Variants in NHSL3 observed in about 807,000 individuals in gnomAD.
NHSL3 encodes NHS-like protein 3.
chr1:32,765,840 G>A, the NHSL3 span: 11 of 1,544,290 alleles, frequency 7.1e-6, no homozygotes, highest in Non-Finnish European at 8.7e-6. Context: ...GAGTGGGTGT[G>A]GCTTGGGGGG....
the NHSL3 span, among the ~76,000 whole-genome samples, chr1:32,769,414 A>G: frequency 6.6e-6 from 1 of 152,338 alleles, no homozygotes; most frequent in Non-Finnish European, 1.5e-5. Flanking sequence ...AATGAATGCC[A>G]AATGTTTAGA....
the NHSL3 span, among the ~76,000 whole-genome samples, chr1:32,755,091 C>T: frequency 6.6e-6 from 1 of 152,174 alleles, no homozygotes; most frequent in Non-Finnish European, 1.5e-5. Flanking sequence ...CCTCCAATCC[C>T]AAGAGATGGG....
chr1:32,774,013 T>A, the NHSL3 span: 1 of 152,718 alleles, frequency 6.5e-6, no homozygotes, highest in South Asian at 2.1e-4. Flanking sequence ...CACCCAGTGC[T>A]TCTAGGGCAG....
chr1:32,755,534 T>A, the NHSL3 span, among the ~76,000 whole-genome samples: 1 of 152,124 alleles, frequency 6.6e-6, no homozygotes, highest in Non-Finnish European at 1.5e-5. Context: ...TTCACTTGTC[T>A]GGACCACTCT....
At chr1:32,744,115 A>G in the NHSL3 span, among the ~76,000 whole-genome samples, 1 of 152,110 alleles carries the variant, frequency 6.6e-6, no homozygotes, top group Non-Finnish European at 1.5e-5. Flanking sequence ...TTCAGAATGG[A>G]GATTGGGAGA....
At chr1:32,752,950 CAT>C in the NHSL3 span, among the ~76,000 whole-genome samples, 68 of 42,736 alleles carry the variant, frequency 1.6e-3, 1 homozygote, top group African/African-American at 8.0e-3. Flanking sequence ...CACACACACA[CAT>C]ATATATATAT....
chr1:32,767,876 T>G, the NHSL3 span: 1 of 1,613,950 alleles, frequency 6.2e-7, no homozygotes, highest in South Asian at 1.1e-5. Context: ...GGACAACGTC[T>G]TCTTTCCCAG....
the NHSL3 span, chr1:32,771,364 C>T: frequency 6.3e-6 from 10 of 1,577,672 alleles, no homozygotes; most frequent in Admixed American, 1.7e-5. Flanking sequence ...AGACCAGTCA[C>T]CCCCACCTTC....
the NHSL3 span, chr1:32,772,348 C>T: frequency 6.2e-7 from 1 of 1,610,406 alleles, no homozygotes; most frequent in African/African-American, 1.3e-5. Flanking sequence ...TGGGCTCCCT[C>T]ACACCCAGGA....
the NHSL3 span, chr1:32,765,609 G>A: frequency 4.0e-6 from 6 of 1,512,850 alleles, no homozygotes; most frequent in Non-Finnish European, 5.3e-6. Context: ...AGGAGGACAT[G>A]GAGAGCAGCC....
chr1:32,751,805 TC>T, the NHSL3 span, among the ~76,000 whole-genome samples: 1 of 152,060 alleles, frequency 6.6e-6, no homozygotes, highest in Non-Finnish European at 1.5e-5. Context: ...TGGTTGTAGC[TC>T]TGAGAAGAAG....
At chr1:32,761,117 T>G in the NHSL3 span, among the ~76,000 whole-genome samples, 1 of 152,278 alleles carries the variant, frequency 6.6e-6, no homozygotes, top group South Asian at 2.1e-4. Flanking sequence ...TGGTATGGGA[T>G]GCTTCCCTCA....
the NHSL3 span, chr1:32,754,044 C>T: frequency 1.6e-6 from 1 of 610,274 alleles, no homozygotes; most frequent in African/African-American, 1.9e-5. Flanking sequence ...GGCGGCCGGG[C>T]TGGCTGGGCC....
chr1:32,751,011 G>C, the NHSL3 span, among the ~76,000 whole-genome samples: 1 of 150,784 alleles, frequency 6.6e-6, no homozygotes, highest in Non-Finnish European at 1.5e-5. Flanking sequence ...GGGTTTCACC[G>C]TGTTGGTCAG....
At chr1:32,751,796 G>C in the NHSL3 span, among the ~76,000 whole-genome samples, 1 of 152,076 alleles carries the variant, frequency 6.6e-6, no homozygotes, top group Admixed American at 6.5e-5. Flanking sequence ...AGTTTTGTGT[G>C]GTTGTAGCTC....
the NHSL3 span, among the ~76,000 whole-genome samples, chr1:32,769,278 G>GA: frequency 1.3e-5 from 2 of 151,998 alleles, no homozygotes; most frequent in Non-Finnish European, 2.9e-5. Context: ...AAAAGAGTTA[G>GA]AAAATCTTAA....
At chr1:32,771,905 A>T in the NHSL3 span, 1 of 1,591,814 alleles carries the variant, frequency 6.3e-7, no homozygotes, top group Admixed American at 1.7e-5. Context: ...TCGGCCCCCC[A>T]GAAACCACTG....
chr1:32,746,471 G>C, the NHSL3 span, among the ~76,000 whole-genome samples: 1 of 152,120 alleles, frequency 6.6e-6, no homozygotes, highest in Non-Finnish European at 1.5e-5. Context: ...TAACAGGAAG[G>C]CTGCTATGTG....
chr1:32,765,849 G>A, the NHSL3 span: 1 of 1,539,212 alleles, frequency 6.5e-7, no homozygotes, highest in Non-Finnish European at 8.7e-7. Flanking sequence ...TGGCTTGGGG[G>A]GAGGGGAGGG....
Sources: gnomAD v4.1 joint callset for allele counts (sites outside exome capture counted in the v4.1 genomes callset) on GRCh38, gnomAD v4.1.1 for gene constraint, MANE v1.5 for transcripts, NCBI Gene and HGNC (gene_info 2026-07-23, HGNC 2026-07-21) for gene names.